Variants in PLCH1 observed in about 807,000 individuals in gnomAD.
PLCH1 encodes the protein 1-phosphatidylinositol 4,5-bisphosphate phosphodiesterase eta-1.
Under a neutral mutation model 126.7 loss-of-function variants are expected in PLCH1, and 60 were observed. The ratio of observed to expected loss-of-function variants is 0.47; its 90% confidence interval spans 0.38 to 0.59. The LOEUF (loss-of-function observed/expected upper bound fraction) is 0.59. Among genes scored for constraint, PLCH1 ranks in the 20% least tolerant of loss-of-function variants. The pLI, the probability that PLCH1 is intolerant of heterozygous loss-of-function variation, is 0.00. For missense variants in PLCH1, 1,723 were observed against 2,040.0 expected, an observed-to-expected ratio of 0.84 and a Z score of 2.99; for synonymous variants, 719 against 734.9, an observed-to-expected ratio of 0.98 and a Z score of 0.35.
rs371130892 is a variant in PLCH1, at chr3:155,514,677, CT to C, written c.1632+45del. 3,768 of 1,220,306 alleles carry C rather than the reference CT, an allele frequency of 3.1e-3. 78 individuals carry two copies. The African/African-American group carries it at 0.047, about 15-fold the overall frequency. 75.6% of individuals were successfully genotyped at this position (1,220,306 alleles called of 1,614,324 possible). On this transcript the variant is annotated intron_variant, in intron 12 of 22. Coordinates refer to ENST00000460012, the MANE Select transcript of PLCH1 (RefSeq NM_014996.4). ...ATGATTAGAAACAAAGTATGAGATG[CT>C]TTTTTTTTCCTGTTGAAGGATAAGT...
Position 155,600,945 on chromosome 3 carries a change from T to C in PLCH1, c.80-4567A>G, listed in dbSNP as rs142243755. Among the ~76,000 whole-genome samples, 890 of 152,276 alleles carry C rather than the reference T, an allele frequency of 5.8e-3. 12 individuals are homozygous for C. The highest frequency in any genetic ancestry group is 0.02 in the African/African-American group (837 of 41,564). On this transcript the variant is annotated intron_variant, in intron 2 of 22. Transcript: ENST00000460012. ...TTTTAAAACTCTTAATAGAGTCCCA[T>C]CGATAAAAGAAAAGGCATAATAATG...
At chr3:155,692,857 C>T (rs1246226273) in intron 2 of PLCH1, among the ~76,000 whole-genome samples, 2 of 152,016 alleles carry the variant, frequency 1.3e-5, no homozygotes, top group African/African-American at 2.4e-5. Flanking sequence ...TCCTGGTTCA[C>T]GCCATTCTCC....
chr3:155,688,321 G>A (rs1396649679), intron 2 of PLCH1, among the ~76,000 whole-genome samples: 2 of 152,204 alleles, frequency 1.3e-5, no homozygotes, highest in Non-Finnish European at 2.9e-5. Flanking sequence ...AAAATGCAGT[G>A]ATTTACAAGA....
chr3:155,595,223 A>C (rs765384539), intron 3 of PLCH1, among the ~76,000 whole-genome samples: 1 of 152,248 alleles, frequency 6.6e-6, no homozygotes, highest in East Asian at 1.9e-4. Flanking sequence ...AGCATTATTT[A>C]GTTAGCAGAG....
chr3:155,635,910 A>C (rs899223709), intron 2 of PLCH1, among the ~76,000 whole-genome samples: 1 of 152,210 alleles, frequency 6.6e-6, no homozygotes, highest in Non-Finnish European at 1.5e-5. Context: ...CCCATATAAG[A>C]AATTTGGAAG....
At chr3:155,476,084 C>G (rs1713533609), downstream of PLCH1, among the ~76,000 whole-genome samples, 1 of 152,034 alleles carries the variant, frequency 6.6e-6, no homozygotes, top group Non-Finnish European at 1.5e-5. Flanking sequence ...CAAACCAATT[C>G]AGCAATACAT....
intron 2 of PLCH1, among the ~76,000 whole-genome samples, chr3:155,618,484 A>T (rs1042092078): frequency 6.6e-6 from 1 of 152,212 alleles, no homozygotes; most frequent in African/African-American, 2.4e-5. Flanking sequence ...ATAGACTGTT[A>T]AAGAATGGAG....
At chr3:155,628,582 C>T (rs1474109802) in intron 2 of PLCH1, among the ~76,000 whole-genome samples, 3 of 146,342 alleles carry the variant, frequency 2.0e-5, no homozygotes, top group African/African-American at 5.0e-5. Context: ...GGGGGAGGGG[C>T]TTCTTCATTC....
rs111363843 is a variant in PLCH1 at position 155,539,252 on chromosome 3, C to A, written c.1362+10535G>T. On this transcript the variant is annotated intron_variant, in intron 10 of 22. Transcript: ENST00000460012. ...GCAAAATCGGCATAGAAGGGACATA[C>A]CTTAAGGTAATAAAAGCCATCTATG... 1.1e-3 allele frequency among the ~76,000 whole-genome samples: 160 copies of A among 152,160 alleles called. 1 individual carries two copies. The highest frequency in any genetic ancestry group is 3.7e-3 in the African/African-American group (152 of 41,538).
At position 155,485,391 on chromosome 3, in the gene PLCH1, G is replaced by A. The variant is rs1344615442; in HGVS notation, c.2939C>T (p.Thr980Ile). The change falls in exon 22 of 23, where the codon ACA becomes ATA. Residue 980 changes from threonine (T) to isoleucine (I), a missense_variant. Thr to Ile is a moderately conservative substitution (Grantham distance 89). Coordinates refer to ENST00000460012, the MANE Select transcript of PLCH1 (RefSeq NM_014996.4). ...LGALSLPVSE[T>I]AKDIEGKENS... ...TTCTTTTCCTTCAATGTCTTTTGCT[G>A]TTTCAGATACAGGCAGCGACAAAGC... 4.4e-6 allele frequency: 7 copies of A among 1,608,090 alleles called. No homozygotes were observed. The South Asian group carries it at 6.6e-5, about 15-fold the overall frequency.
At chr3:155,534,280 C>T (rs1349088779) in intron 10 of PLCH1, among the ~76,000 whole-genome samples, 1 of 152,172 alleles carries the variant, frequency 6.6e-6, no homozygotes, top group African/African-American at 2.4e-5. Flanking sequence ...ATCAGCATGA[C>T]CTGGATCTGA....
At chr3:155,561,290 C>T (rs1328629555) in intron 8 of PLCH1, among the ~76,000 whole-genome samples, 2 of 134,226 alleles carry the variant, frequency 1.5e-5, no homozygotes, top group East Asian at 2.5e-4. Context: ...CCCCTCCCCC[C>T]ACCCCACAAC....
At position 155,633,828 on chromosome 3, in the gene PLCH1, G is replaced by A. The variant is rs1055035100; in HGVS notation, c.80-37450C>T. On this transcript the variant is annotated intron_variant, in intron 2 of 22. Transcript: ENST00000460012. ...CCAGCTACTCAGGAGGCTGAGGCAC[G>A]AGAACCACTTGAAGCCAGTAGGCAG... Among the ~76,000 whole-genome samples, 12 of 152,154 alleles carry A rather than the reference G, an allele frequency of 7.9e-5. 1 individual carries two copies. The highest frequency in any genetic ancestry group is 1.2e-4 in the African/African-American group (5 of 41,442).
chr3:155,633,905 C>T (rs533172749), intron 2 of PLCH1, among the ~76,000 whole-genome samples: 1 of 152,274 alleles, frequency 6.6e-6, no homozygotes, highest in African/African-American at 2.4e-5. Context: ...CAGAGCGAGA[C>T]TCTGTCTCAA....
intron 2 of PLCH1, among the ~76,000 whole-genome samples, chr3:155,660,438 C>T (rs1269074598): frequency 6.6e-6 from 1 of 152,190 alleles, no homozygotes; most frequent in Admixed American, 6.5e-5. Context: ...AGGTCTTACA[C>T]AATAAAGACT....
At chr3:155,670,668 T>C (rs546143663) in intron 2 of PLCH1, among the ~76,000 whole-genome samples, 8 of 152,218 alleles carry the variant, frequency 5.3e-5, no homozygotes, top group African/African-American at 1.9e-4. Flanking sequence ...ACCCTTTCCC[T>C]TGGGCTGTGT....
rs192084666 is a variant in PLCH1 at position 155,632,309 on chromosome 3, C to T, written c.80-35931G>A. Among the ~76,000 whole-genome samples, 162 of 152,300 alleles carry T rather than the reference C, an allele frequency of 1.1e-3. 1 individual carries two copies. Among genetic ancestry groups the T allele is most frequent in the Middle Eastern group, 3.4e-3 (1 of 294 alleles). On this transcript the variant is annotated intron_variant, in intron 2 of 22. Transcript: ENST00000460012. ...TTCACACACGCTACTCCCTATATCTCCATATCAAGAAAAAAGTCCTGTCTT... is the reference window on the plus strand; with the variant it reads ...TTCACACACGCTACTCCCTATATCTTCATATCAAGAAAAAAGTCCTGTCTT...
intron 2 of PLCH1, among the ~76,000 whole-genome samples, chr3:155,654,324 T>G (rs1436652076): frequency 6.6e-6 from 1 of 152,042 alleles, no homozygotes; most frequent in African/African-American, 2.4e-5. Flanking sequence ...TCTCTCACTC[T>G]TTAGTGATCC....
chr3:155,527,707 G>T (rs1432560896), intron 10 of PLCH1, among the ~76,000 whole-genome samples: 1 of 151,942 alleles, frequency 6.6e-6, no homozygotes, highest in Non-Finnish European at 1.5e-5. Flanking sequence ...ATCACCTGAG[G>T]TCACGAGTTC....
Sources: gnomAD v4.1 joint callset for allele counts (sites outside exome capture counted in the v4.1 genomes callset) on GRCh38, gnomAD v4.1.1 for gene constraint, MANE v1.5 for transcripts, NCBI Gene and HGNC (gene_info 2026-07-23, HGNC 2026-07-21) for gene names.